NCKAP5L: variants seen among roughly 807,000 people sequenced by gnomAD.
NCKAP5L encodes the protein nck-associated protein 5-like.
Under a neutral mutation model 103.2 loss-of-function variants are expected in NCKAP5L, and 54 were observed. That is an observed-to-expected ratio of 0.52 (90% CI 0.42 to 0.66). NCKAP5L has a LOEUF of 0.66. Ranked by LOEUF, NCKAP5L falls within the 30% of genes least tolerant of loss-of-function variation. The pLI is 0.00. For synonymous variants in NCKAP5L, 762 were observed against 748.6 expected, an observed-to-expected ratio of 1.02 and a Z score of -0.29; for missense variants, 1,733 against 1,750.6, an observed-to-expected ratio of 0.99 and a Z score of 0.18.
In NCKAP5L at chr12:49,792,832, G is replaced by A. The variant is rs756799178; in HGVS notation, c.3495C>T (p.Pro1165=). ...PPGVPPARPP[P]LTKVPRRAHT... Reference sequence around the variant, plus strand: ...GGGCGCGGCGGGGGACTTTGGTAAGGGGTGGGGGCCGAGCTGGGGGTACCC... The same window carrying A: ...GGGCGCGGCGGGGGACTTTGGTAAGAGGTGGGGGCCGAGCTGGGGGTACCC... Residue 1165 remains proline, a synonymous_variant, in exon 11 of 13, where the codon CCC becomes CCT. Transcript: ENST00000335999. The surrounding 1 kb of genome is among the most constrained non-coding windows in gnomAD (Gnocchi z 4.5). 6.3e-7 allele frequency: 1 copy of A among 1,577,450 alleles called. No individual in the cohort carries two copies. Among genetic ancestry groups the A allele is most frequent in the Non-Finnish European group, 8.6e-7 (1 of 1,165,958 alleles).
At chr12:49,820,419 C>G (rs1389049791) in intron 1 of NCKAP5L, among the ~76,000 whole-genome samples, 1 of 150,762 alleles carries the variant, frequency 6.6e-6, no homozygotes, top group Non-Finnish European at 1.5e-5. Context: ...CGGGTTCAAG[C>G]GATTCTCCTG....
chr12:49,824,866 C>T (rs1946399351), intron 1 of NCKAP5L, among the ~76,000 whole-genome samples: 1 of 152,158 alleles, frequency 6.6e-6, no homozygotes, highest in Non-Finnish European at 1.5e-5. Flanking sequence ...AGCTGCTTTT[C>T]CTCGGTATGT....
In NCKAP5L at chr12:49,793,807, C is replaced by G; in HGVS notation, c.3185G>C (p.Ser1062Thr). 6.2e-7 allele frequency: 1 copy of G among 1,602,186 alleles called. No homozygotes were observed. The highest frequency in any genetic ancestry group is 8.5e-7 in the Non-Finnish European group (1 of 1,174,498). ...CCGGGGCCCACAGGCTGGCCAGGGG[C>G]TCTTGGGGTCAGAAGACACCGGCTG... The part of the protein sequence containing the change: ...DFQPVSSDPK[S>T]PWPACGPRNG... The change falls in exon 9 of 13, where the codon AGC becomes ACC. Residue 1062 changes from serine to threonine, a missense_variant. Physicochemically the swap from Ser to Thr is moderately conservative, Grantham distance 58. Transcript: ENST00000335999.
Position 49,795,563 on chromosome 12 carries a change from A to G in NCKAP5L, c.2297T>C (p.Val766Ala). Residue 766 changes from valine (V) to alanine (A), a missense_variant, in exon 8 of 13, where the codon GTC becomes GCC. Physicochemically the swap from Val to Ala is moderately conservative, Grantham distance 64. Transcript: ENST00000335999. ...TTTGGTGAGGCAGCTCCTTGGTGAGACAGGCTCCAGGTCCACCCGGGCCCC... is the reference window on the plus strand; with the variant it reads ...TTTGGTGAGGCAGCTCCTTGGTGAGGCAGGCTCCAGGTCCACCCGGGCCCC... ...SMGARVDLEP[V>A]SPRSCLTKVE... 1 of 1,540,536 alleles carries G rather than the reference A, an allele frequency of 6.5e-7. No homozygotes were observed. The highest frequency in any genetic ancestry group is 8.7e-7 in the Non-Finnish European group (1 of 1,147,544).
rs557381458 is a variant in NCKAP5L at position 49,791,447 on chromosome 12, C to A, written c.*392G>T. 1.9e-3 allele frequency: 321 copies of A among 167,366 alleles called. 1 individual carries two copies. The highest frequency in any genetic ancestry group is 6.6e-3 in the African/African-American group (277 of 42,102). The allele number at this position is 167,366 out of a possible 1,614,324, so 10.4% of individuals were successfully genotyped here. On this transcript the variant is annotated 3_prime_UTR_variant, in exon 13 of 13. Transcript: ENST00000335999. ...CACGGGGGCCTCCAGGAGGGCCTCG[C>A]GAGGGCTTCGGGGCAGAGGAGCAGC...
Position 49,826,240 on chromosome 12 carries a change from A to C in NCKAP5L, c.-99+2082T>G, listed in dbSNP as rs890462688. Among the ~76,000 whole-genome samples, 8 of 152,156 alleles carry C rather than the reference A, an allele frequency of 5.3e-5. No homozygotes were observed. In the South Asian group the frequency reaches 1.7e-3, roughly 32 times the overall value. On this transcript the variant is annotated intron_variant, in intron 1 of 12. Coordinates refer to ENST00000335999, the MANE Select transcript of NCKAP5L (RefSeq NM_001037806.4). ...GTGAGTATGTTGTGCTCCCTGGCCC[A>C]GATCCTAAAACAAGTCCCAACAGCT...
Position 49,792,852 on chromosome 12 carries a change from G to T in NCKAP5L, c.3475C>A (p.Pro1159Thr). ...GTAAGGGGTGGGGGCCGAGCTGGGG[G>T]TACCCCAGGTGGGGGATCCAGCCGC... is the stretch of plus-strand genomic sequence containing the variant. The part of the protein sequence containing the change: ...PPRLDPPPGV[P>T]PARPPPLTKV... Residue 1159 changes from proline (P) to threonine (T), a missense_variant, in exon 11 of 13, where the codon CCC (proline) becomes ACC (threonine). Transcript: ENST00000335999. This position sits in a 1 kb window ranked among gnomAD's most constrained non-coding sequence, Gnocchi z 4.5. 1 of 1,550,042 alleles carries T rather than the reference G, an allele frequency of 6.5e-7. No homozygotes were observed. The highest frequency in any genetic ancestry group is 8.7e-7 in the Non-Finnish European group (1 of 1,152,304).
In NCKAP5L at chr12:49,794,880, G is replaced by A. The variant is rs577359931; in HGVS notation, c.2980C>T (p.Arg994Trp). 1.9e-5 allele frequency: 29 copies of A among 1,502,018 alleles called. No homozygotes were observed. Among genetic ancestry groups the A allele is most frequent in the South Asian group, 5.3e-5 (4 of 75,290 alleles). 93.0% of individuals were successfully genotyped at this position (1,502,018 alleles called of 1,614,324 possible). The change falls in exon 8 of 13, where the codon CGG becomes TGG. Residue 994 changes from arginine to tryptophan, a missense_variant. Arg to Trp is a moderately radical substitution (Grantham distance 101). Coordinates refer to ENST00000335999, the MANE Select transcript of NCKAP5L (RefSeq NM_001037806.4). Reference protein sequence around the residue: ...EEKAYLSSRARPRPGGPAPGP... With the variant: ...EEKAYLSSRAWPRPGGPAPGP... ...GGGGCTGGGCCACCAGGCCGTGGCC[G>A]GGCCCGGCTGCTTAGGTAGGCCTTC...
intron 1 of NCKAP5L, among the ~76,000 whole-genome samples, chr12:49,824,660 A>G (rs1354710670): frequency 6.6e-6 from 1 of 152,204 alleles, no homozygotes; most frequent in African/African-American, 2.4e-5. Flanking sequence ...ATAAACAAAG[A>G]TGGAGGCATT....
In NCKAP5L at chr12:49,792,411, C is replaced by T. The variant is rs747058483; in HGVS notation, c.3792+35G>A. The T allele has an allele frequency of 8.1e-6, 13 of 1,610,440 alleles. No individual in the cohort carries two copies. The highest frequency in any genetic ancestry group is 2.2e-5 in the East Asian group (1 of 44,770). ...TCCCCACATCACTCCCTCCTGCTCC[C>T]GAGTCCTTTCCCTTTCCTCTGCTGC... is the stretch of plus-strand genomic sequence containing the variant. On this transcript the variant is annotated intron_variant, in intron 12 of 12. Coordinates refer to ENST00000335999, the MANE Select transcript of NCKAP5L (RefSeq NM_001037806.4). The surrounding 1 kb of genome is among the most constrained non-coding windows in gnomAD (Gnocchi z 4.5).
chr12:49,820,313 C>CTT lies in NCKAP5L; in HGVS notation c.-99+8007_-99+8008dup, dbSNP rs55677422. Among the ~76,000 whole-genome samples, 1,140 of 121,384 alleles carry CTT rather than the reference C, an allele frequency of 9.4e-3. 30 individuals carry two copies. Among genetic ancestry groups the CTT allele is most frequent in the East Asian group, 0.087 (337 of 3,892 alleles). 79.6% of individuals were successfully genotyped at this position (121,384 alleles called of 152,430 possible). On this transcript the variant is annotated intron_variant, in intron 1 of 12. Coordinates refer to ENST00000335999, the MANE Select transcript of NCKAP5L (RefSeq NM_001037806.4). ...CATCCCCCAAACTTTATCTCCTGGC[C>CTT]TTTTTTTTTTTTTTTTTTTTTGAGA...
At chr12:49,801,757 C>T (rs1386770411) in intron 6 of NCKAP5L, 91 bp downstream of exon 6, 3 of 1,508,972 alleles carry the variant, frequency 2.0e-6, no homozygotes, top group East Asian at 2.3e-5. Flanking sequence ...GCCTGCTTCC[C>T]TAGGGGCACG....
intron 5 of NCKAP5L, 62 bp downstream of exon 5, chr12:49,802,896 C>A: frequency 6.5e-7 from 1 of 1,548,968 alleles, no homozygotes; most frequent in South Asian, 1.2e-5. Context: ...AGCCCTTAGT[C>A]TCCAGGAAGG....
chr12:49,814,486 A>G (rs1220594530), intron 1 of NCKAP5L, among the ~76,000 whole-genome samples: 1 of 149,468 alleles, frequency 6.7e-6, no homozygotes, highest in Non-Finnish European at 1.5e-5. Context: ...ACCGTCTCAA[A>G]AAAAAAAAAA....
At chr12:49,794,611 CCA>C (rs1491581492) in intron 8 of NCKAP5L, among the ~76,000 whole-genome samples, 152 bp downstream of exon 8, 3 of 120,024 alleles carry the variant, frequency 2.5e-5, no homozygotes, top group African/African-American at 7.7e-5. Context: ...ACTGACCCCC[CCA>C]CCAGCTGCTT....
At chr12:49,825,391 T>C (rs1464080709) in intron 1 of NCKAP5L, among the ~76,000 whole-genome samples, 1 of 152,170 alleles carries the variant, frequency 6.6e-6, no homozygotes, top group Non-Finnish European at 1.5e-5. Flanking sequence ...AAGCAGGGGC[T>C]AGAAAGGGCA....
At chr12:49,824,768 G>C (rs1418793062) in intron 1 of NCKAP5L, among the ~76,000 whole-genome samples, 2 of 152,250 alleles carry the variant, frequency 1.3e-5, no homozygotes, top group East Asian at 3.8e-4. Context: ...CAAGGGCCAA[G>C]ACAGGCAGCA....
At position 49,794,605 on chromosome 12, in the gene NCKAP5L, A is replaced by ACCT. The variant is rs1197202590; in HGVS notation, c.3095+159_3095+160insAGG. On this transcript the variant is annotated intron_variant, in intron 8 of 12. Transcript: ENST00000335999. Reference sequence around the variant, plus strand: ...ATCTTTCCTCCAGGCCAAGTCACTGACCCCCCCACCAGCTGCTTTGGTGGC... The same window carrying ACCT: ...ATCTTTCCTCCAGGCCAAGTCACTGACCTCCCCCCCACCAGCTGCTTTGGTGGC... 2.8e-3 allele frequency among the ~76,000 whole-genome samples: 325 copies of ACCT among 116,138 alleles called. 17 individuals carry two copies. The East Asian group carries it at 0.075, about 27-fold the overall frequency. 76.2% of individuals were successfully genotyped at this position (116,138 alleles called of 152,430 possible). A position where few individuals can be genotyped will look rare whatever the true frequency, so the allele number is the denominator to read the frequency against.
chr12:49,795,044 T>C lies in NCKAP5L; in HGVS notation c.2816A>G (p.Lys939Arg), dbSNP rs1946011091. 1 of 1,610,406 alleles carries C rather than the reference T, an allele frequency of 6.2e-7. No individual in the cohort carries two copies. Residue 939 changes from lysine to arginine, a missense_variant, in exon 8 of 13, where the codon AAG (lysine) becomes AGG (arginine). By Grantham distance (26) the Lys-to-Arg change is conservative (BLOSUM62 2). Transcript: ENST00000335999. ...PALNRRTEAT[K>R]NKEGAGGGSP... The stretch of plus-strand genomic sequence containing the variant: ...GCCCCCGCCAGCCCCCTCCTTGTTC[T>C]TGGTGGCCTCTGTGCGGCGGTTCAG...
Sources: gnomAD v4.1 joint callset for allele counts (sites outside exome capture counted in the v4.1 genomes callset) on GRCh38, gnomAD v4.1.1 for gene constraint, Gnocchi (gnomAD v3.1) non-coding constraint, MANE v1.5 for transcripts, NCBI Gene and HGNC (gene_info 2026-07-23, HGNC 2026-07-21) for gene names.